Variants in CDIN1 observed in about 807,000 individuals in gnomAD.
CDIN1 encodes CDAN1-interacting nuclease 1.
A neutral mutation model predicts 45.3 loss-of-function variants in CDIN1; 33 were observed. The ratio of observed to expected loss-of-function variants is 0.73; its 90% CI spans 0.55 to 0.97. CDIN1 has a LOEUF of 0.97. Ranked by LOEUF, CDIN1 falls within the 50% of genes least tolerant of loss-of-function variation. The pLI, the probability that CDIN1 is intolerant of heterozygous loss-of-function variation, is 0.00. For missense variants in CDIN1, 303 were observed against 339.4 expected, an observed-to-expected ratio of 0.89 and a Z score of 0.84; for synonymous variants, 118 against 124.4, an observed-to-expected ratio of 0.95 and a Z score of 0.34.
intron 1 of CDIN1, among the ~76,000 whole-genome samples, chr15:36,592,734 C>G (rs887976793): frequency 6.6e-6 from 1 of 151,948 alleles, no homozygotes; most frequent in Non-Finnish European, 1.5e-5. Context: ...TTTGATTGAA[C>G]TTGCCTAAAG....
At chr15:36,594,984 ATT>A in intron 1 of CDIN1, 1 of 882,686 alleles carries the variant, frequency 1.1e-6, no homozygotes, top group Non-Finnish European at 1.4e-6. Context: ...GCTTTTATTT[ATT>A]TTCTGTTCCA....
chr15:36,682,068 GGTGTGTGTATGTGT>G (rs1364191737), intron 5 of CDIN1, among the ~76,000 whole-genome samples: 1 of 151,534 alleles, frequency 6.6e-6, no homozygotes, highest in Non-Finnish European at 1.5e-5. Flanking sequence ...CAATAGGAGG[GGTGTGTGTATGTGT>G]GTGTGTGTGT....
intron 5 of CDIN1, among the ~76,000 whole-genome samples, chr15:36,686,045 C>T (rs1462289410): frequency 3.3e-5 from 5 of 151,692 alleles, no homozygotes; most frequent in Admixed American, 6.6e-5. Context: ...TTTGACCCAG[C>T]CATCCCATTA....
At position 36,692,106 on chromosome 15, in the gene CDIN1, C is replaced by G. The variant is rs747368985; in HGVS notation, c.427-20C>G. 4 of 1,613,060 alleles carry G rather than the reference C, an allele frequency of 2.5e-6. No homozygotes were observed. Among genetic ancestry groups the G allele is most frequent in the Non-Finnish European group, 3.4e-6 (4 of 1,179,420 alleles). On this transcript the variant is annotated intron_variant, in intron 6 of 10. Transcript: ENST00000566621. ...TTTGTAGCCGCCCCACCCCAGACCC[C>G]TTTTCTTATTTGTCTGCAGTGCATT...
chr15:36,699,408 A>G (rs2042551989), intron 8 of CDIN1, among the ~76,000 whole-genome samples: 1 of 152,186 alleles, frequency 6.6e-6, no homozygotes, highest in Non-Finnish European at 1.5e-5. Context: ...TTGGTAAATA[A>G]ACAGACCACT....
chr15:36,702,728 A>C (rs1949707825), intron 8 of CDIN1, among the ~76,000 whole-genome samples: 2 of 152,188 alleles, frequency 1.3e-5, no homozygotes, highest in Non-Finnish European at 2.9e-5. Flanking sequence ...AATAGGATCC[A>C]GAAGGCAAAA....
At chr15:36,628,417 A>G (rs1213867207) in intron 1 of CDIN1, among the ~76,000 whole-genome samples, 1 of 152,202 alleles carries the variant, frequency 6.6e-6, no homozygotes, top group Non-Finnish European at 1.5e-5. Context: ...ATATGGATGT[A>G]TCACAGTTTG....
At chr15:36,752,318 GTT>G in intron 10 of CDIN1, among the ~76,000 whole-genome samples, 1 of 152,282 alleles carries the variant, frequency 6.6e-6, no homozygotes, top group Admixed American at 6.5e-5. Context: ...CATACCTTAA[GTT>G]TATCTTTCTA....
chr15:36,681,681 A>T (rs1462355378), intron 5 of CDIN1, among the ~76,000 whole-genome samples: 1 of 152,194 alleles, frequency 6.6e-6, no homozygotes, highest in Non-Finnish European at 1.5e-5. Context: ...ATATATAGGG[A>T]TTAGTTTTAG....
intron 1 of CDIN1, chr15:36,591,923 T>A (rs1257321000): frequency 6.6e-6 from 1 of 152,188 alleles, no homozygotes; most frequent in Non-Finnish European, 1.5e-5. Flanking sequence ...AGTGAATGAA[T>A]GAAGCTGACC....
intron 1 of CDIN1, among the ~76,000 whole-genome samples, chr15:36,592,976 T>C (rs1052003059): frequency 6.6e-6 from 1 of 152,190 alleles, no homozygotes; most frequent in Non-Finnish European, 1.5e-5. Context: ...GTTATTCCAG[T>C]ATAAAAACAG....
At chr15:36,620,203 T>G (rs1486969432) in intron 1 of CDIN1, among the ~76,000 whole-genome samples, 2 of 151,848 alleles carry the variant, frequency 1.3e-5, no homozygotes, top group Non-Finnish European at 2.9e-5. Flanking sequence ...TACAAAAAAT[T>G]AGCTGGGAGT....
At position 36,579,826 on chromosome 15, in the gene CDIN1, C is replaced by G. The variant is rs1826034538; in HGVS notation, c.-35C>G. 3 of 1,573,390 alleles carry G rather than the reference C, an allele frequency of 1.9e-6. No individual in the cohort carries two copies. The highest frequency in any genetic ancestry group is 1.8e-5 in the Admixed American group (1 of 55,284). ...CTACTTGAGCCCCAGGGTGTTTTTT[C>G]CTTGTTCCCGCCACCTCCTGGTCCC... On this transcript the variant is annotated 5_prime_UTR_variant, in exon 1 of 11. Coordinates refer to ENST00000566621, the MANE Select transcript of CDIN1 (RefSeq NM_001321759.2).
chr15:36,692,058 G>A (rs2042272746), intron 6 of CDIN1, 68 bp from the exon 7 acceptor site: 1 of 1,465,502 alleles, frequency 6.8e-7, no homozygotes, highest in Admixed American at 1.9e-5. Flanking sequence ...ACTGCTTTTA[G>A]GATATTGTTT....
chr15:36,782,021 A>G (rs909708156), intron 10 of CDIN1, among the ~76,000 whole-genome samples: 1 of 152,200 alleles, frequency 6.6e-6, no homozygotes, highest in Non-Finnish European at 1.5e-5. Flanking sequence ...TTTTCCTTCA[A>G]CAGGGACTCC....
intron 1 of CDIN1, among the ~76,000 whole-genome samples, chr15:36,639,910 G>GGGAT (rs1207976531): frequency 6.6e-6 from 1 of 152,028 alleles, no homozygotes; most frequent in Admixed American, 6.6e-5. Flanking sequence ...ATCATTTATG[G>GGGAT]GGATATTTGC....
At chr15:36,685,239 A>G (rs1454888690) in intron 5 of CDIN1, among the ~76,000 whole-genome samples, 1 of 149,922 alleles carries the variant, frequency 6.7e-6, no homozygotes, top group African/African-American at 2.5e-5. Flanking sequence ...TTCCCTCTAC[A>G]CACTGCTTTG....
At position 36,800,859 on chromosome 15, in the gene CDIN1, ATG is replaced by A. The variant is rs1175053288; in HGVS notation, c.717-7451_717-7450del. On this transcript the variant is annotated intron_variant, in intron 10 of 10. Coordinates refer to ENST00000566621, the MANE Select transcript of CDIN1 (RefSeq NM_001321759.2). The stretch of plus-strand genomic sequence containing the variant: ...TATATATATGATTATGATTATACAT[ATG>A]TGTGTGTGTGTGTATATATGTGTGT... 9.4e-3 allele frequency among the ~76,000 whole-genome samples: 882 copies of A among 93,574 alleles called. 26 individuals are homozygous for A. Among genetic ancestry groups the A allele is most frequent in the African/African-American group, 0.024 (664 of 27,134 alleles). 61.4% of individuals were successfully genotyped at this position (93,574 alleles called of 152,430 possible).
At chr15:36,625,194 T>C (rs967262824) in intron 1 of CDIN1, among the ~76,000 whole-genome samples, 1 of 151,328 alleles carries the variant, frequency 6.6e-6, no homozygotes, top group Non-Finnish European at 1.5e-5. Context: ...GGCAGGAGAA[T>C]GGTGTGAACC....
Sources: allele counts gnomAD v4.1 joint callset (sites outside exome capture counted in the v4.1 genomes callset), GRCh38; gene constraint gnomAD v4.1.1; transcripts MANE v1.5; gene names NCBI Gene and HGNC (gene_info 2026-07-23, HGNC 2026-07-21).